Variants in ADAMTS19 observed in about 807,000 individuals in gnomAD.
ADAMTS19 encodes ADAM metallopeptidase with thrombospondin type 1 motif 19, also known as A disintegrin and metalloproteinase with thrombospondin motifs 19.
ADAMTS19 carries 93 observed loss-of-function variants against 153.3 expected under a neutral mutation model. That is an observed-to-expected ratio of 0.61 (90% CI 0.51 to 0.72). The LOEUF (loss-of-function observed/expected upper bound fraction) is 0.72, where lower values mean the gene tolerates loss of function less well. ADAMTS19 is among the 30% of genes least tolerant of loss of function. The pLI is 0.00. For missense variants in ADAMTS19, 1,482 were observed against 1,552.1 expected (o/e 0.95, Z 0.76); for synonymous variants, 600 against 556.6 (o/e 1.08, Z -1.10).
chr5:129,635,156 C>T (rs1752480347), intron 10 of ADAMTS19, among the ~76,000 whole-genome samples: 1 of 152,064 alleles, frequency 6.6e-6, no homozygotes, highest in East Asian at 1.9e-4. Context: ...AGCCAACAAT[C>T]ATATGAACAT....
intron 2 of ADAMTS19, among the ~76,000 whole-genome samples, chr5:129,462,667 G>C (rs1301200846): frequency 6.6e-6 from 1 of 152,012 alleles, no homozygotes; most frequent in East Asian, 1.9e-4. Flanking sequence ...ACTGTTTCTA[G>C]ATGTACAGGT....
At chr5:129,474,245 T>C (rs1750154962) in intron 2 of ADAMTS19, among the ~76,000 whole-genome samples, 2 of 152,182 alleles carry the variant, frequency 1.3e-5, no homozygotes, top group South Asian at 4.1e-4. Context: ...CATTCTTTTT[T>C]TCTTCATGGA....
At chr5:129,706,093 C>T (rs1389908151) in intron 21 of ADAMTS19, among the ~76,000 whole-genome samples, 1 of 152,144 alleles carries the variant, frequency 6.6e-6, no homozygotes, top group Admixed American at 6.6e-5. Context: ...AGAAAAAGTA[C>T]TAGCAGCAAG....
At chr5:129,485,778 T>C (rs1561534855) in intron 2 of ADAMTS19, among the ~76,000 whole-genome samples, 1 of 152,146 alleles carries the variant, frequency 6.6e-6, no homozygotes, top group Non-Finnish European at 1.5e-5. Flanking sequence ...CTGTCTCTAA[T>C]TGAATGTGTT....
intron 8 of ADAMTS19, among the ~76,000 whole-genome samples, chr5:129,614,078 C>A (rs1009121337): frequency 6.6e-6 from 1 of 151,990 alleles, no homozygotes; most frequent in South Asian, 2.1e-4. Context: ...CAAGACCAGA[C>A]GGATTCACAG....
At chr5:129,480,241 A>T (rs190669543) in intron 2 of ADAMTS19, among the ~76,000 whole-genome samples, 2 of 152,298 alleles carry the variant, frequency 1.3e-5, no homozygotes, top group Non-Finnish European at 2.9e-5. Flanking sequence ...ACATCAATAT[A>T]GGAAGAATGA....
At chr5:129,528,699 A>C in intron 6 of ADAMTS19, 22 bp downstream of exon 6, 1 of 1,571,480 alleles carries the variant, frequency 6.4e-7, no homozygotes, top group Non-Finnish European at 8.6e-7. Context: ...AATGCCAATT[A>C]AATGGCATTC....
chr5:129,573,174 C>T (rs1753973691), intron 7 of ADAMTS19, among the ~76,000 whole-genome samples: 1 of 151,982 alleles, frequency 6.6e-6, no homozygotes, highest in South Asian at 2.1e-4. Context: ...TTTTGTACCT[C>T]TTTTAATTGA....
intron 2 of ADAMTS19, among the ~76,000 whole-genome samples, chr5:129,467,462 A>G (rs115388443): frequency 0.01 from 1,559 of 152,314 alleles, 17 homozygotes; most frequent in Non-Finnish European, 0.016. Context: ...AGGACCAACC[A>G]CAAAACTCAG....
At chr5:129,536,625 C>A (rs576031879) in intron 6 of ADAMTS19, among the ~76,000 whole-genome samples, 1 of 152,188 alleles carries the variant, frequency 6.6e-6, no homozygotes, top group South Asian at 2.1e-4. Context: ...ATGTTTACTG[C>A]GGCACTATTC....
intron 2 of ADAMTS19, among the ~76,000 whole-genome samples, chr5:129,504,692 C>T (rs930536985): frequency 2.6e-5 from 4 of 152,106 alleles, no homozygotes; most frequent in Non-Finnish European, 5.9e-5. Flanking sequence ...GACCACCATT[C>T]TACTCTCTGC....
Position 129,522,332 on chromosome 5 carries a change from C to CACACACACATATATATAT in ADAMTS19, c.914-3951_914-3950insCACACACATATATATATA, listed in dbSNP as rs1309115957. ...ATATATATATACACACACACACACA[C>CACACACACATATATATAT]ATATATATATATATATATATATATA... On this transcript the variant is annotated intron_variant, in intron 3 of 22. Transcript: ENST00000274487. Among the ~76,000 whole-genome samples, 8 of 58,614 alleles carry CACACACACATATATATAT rather than the reference C, an allele frequency of 1.4e-4. No individual in the cohort carries two copies. In the East Asian group the frequency reaches 3.1e-3, roughly 23 times the overall value. 38.5% of individuals were successfully genotyped at this position (58,614 alleles called of 152,430 possible).
At chr5:129,555,111 T>G (rs1753269806) in intron 7 of ADAMTS19, among the ~76,000 whole-genome samples, 1 of 152,130 alleles carries the variant, frequency 6.6e-6, no homozygotes, top group Non-Finnish European at 1.5e-5. Context: ...ACTTTTTTTT[T>G]CTGTAATGAA....
chr5:129,540,625 A>AT (rs1442553110), intron 6 of ADAMTS19, among the ~76,000 whole-genome samples: 12 of 152,244 alleles, frequency 7.9e-5, no homozygotes, highest in African/African-American at 2.4e-4. Context: ...AGAAAATTTA[A>AT]TAAAACATAT....
intron 8 of ADAMTS19, among the ~76,000 whole-genome samples, chr5:129,612,766 C>T (rs1042920580): frequency 4.6e-5 from 7 of 151,956 alleles, no homozygotes; most frequent in African/African-American, 1.7e-4. Context: ...GAGTCAAGAC[C>T]CATCAGTGTG....
At chr5:129,460,702 T>A (rs947846765) in intron 1 of ADAMTS19, 18 of 604,596 alleles carry the variant, frequency 3.0e-5, no homozygotes, top group Non-Finnish European at 5.0e-5. Context: ...TTCCTTCTAA[T>A]TAGAGCAATA....
At chr5:129,613,316 A>G (rs1281996762) in intron 8 of ADAMTS19, among the ~76,000 whole-genome samples, 1 of 152,210 alleles carries the variant, frequency 6.6e-6, no homozygotes, top group African/African-American at 2.4e-5. Flanking sequence ...GTAAAAGAAC[A>G]GAAATTATAA....
At chr5:129,535,451 A>G (rs1029986390) in intron 6 of ADAMTS19, among the ~76,000 whole-genome samples, 2 of 152,228 alleles carry the variant, frequency 1.3e-5, no homozygotes, top group African/African-American at 4.8e-5. Flanking sequence ...GCTTATGGGT[A>G]GGAAGAATCA....
At chr5:129,603,568 G>T (rs1291348290) in intron 8 of ADAMTS19, among the ~76,000 whole-genome samples, 1 of 151,996 alleles carries the variant, frequency 6.6e-6, no homozygotes, top group Admixed American at 6.6e-5. Context: ...TATGGTTTTA[G>T]GAAAATTTAG....
Sources: allele counts gnomAD v4.1 joint callset (sites outside exome capture counted in the v4.1 genomes callset), GRCh38; gene constraint gnomAD v4.1.1; transcripts MANE v1.5; gene names NCBI Gene and HGNC (gene_info 2026-07-23, HGNC 2026-07-21).